PHACTR1: variants seen among roughly 807,000 people sequenced by gnomAD.
PHACTR1 encodes phosphatase and actin regulator 1.
In PHACTR1, 16 loss-of-function variants were observed where a neutral mutation model predicts 69.2. The ratio of observed to expected loss-of-function variants is 0.23; its 90% CI spans 0.16 to 0.35. The LOEUF (loss-of-function observed/expected upper bound fraction) is 0.35. Ranked by LOEUF, PHACTR1 falls within the 10% of genes least tolerant of loss-of-function variation. PHACTR1 has a pLI of 1.00. For missense variants in PHACTR1, 510 were observed against 734.7 expected, an observed-to-expected ratio of 0.69 and a Z score of 3.54; for synonymous variants, 312 against 284.5, an observed-to-expected ratio of 1.10 and a Z score of -0.97.
chr6:12,765,206 G>A (rs546546239), intron 4 of PHACTR1, among the ~76,000 whole-genome samples: 1 of 152,260 alleles, frequency 6.6e-6, no homozygotes, highest in East Asian at 1.9e-4. Context: ...AAGATGACTT[G>A]CTATCTTTTA....
chr6:12,921,824 AG>A (rs1250252097), intron 4 of PHACTR1, among the ~76,000 whole-genome samples: 2 of 66,194 alleles, frequency 3.0e-5, no homozygotes, highest in African/African-American at 1.1e-4. Context: ...GCAAGGGGGA[AG>A]GAAGGAAGGG....
In PHACTR1 at chr6:12,901,876, C is replaced by T. The variant is rs548310165; in HGVS notation, c.251-151489C>T. 5.9e-5 allele frequency among the ~76,000 whole-genome samples: 9 copies of T among 152,226 alleles called. No individual in the cohort carries two copies. The South Asian group carries it at 1.9e-3, about 32-fold the overall frequency. ...AACCACCTTAGACAGCCTGGAATCCCTGAAAAATAAACTCCAGTGTCTATG... is the reference window on the plus strand; with the variant it reads ...AACCACCTTAGACAGCCTGGAATCCTTGAAAAATAAACTCCAGTGTCTATG... On this transcript the variant is annotated intron_variant, in intron 4 of 14. Coordinates refer to ENST00000332995, the MANE Select transcript of PHACTR1 (RefSeq NM_030948.6).
chr6:13,173,875 T>C (rs1760959200), intron 6 of PHACTR1, among the ~76,000 whole-genome samples: 1 of 152,130 alleles, frequency 6.6e-6, no homozygotes, highest in Admixed American at 6.5e-5. Flanking sequence ...GCCCGGCTAA[T>C]TTTTTGTATT....
chr6:13,205,078 A>G (rs1331513085), intron 7 of PHACTR1, among the ~76,000 whole-genome samples: 1 of 152,214 alleles, frequency 6.6e-6, no homozygotes, highest in Non-Finnish European at 1.5e-5. Flanking sequence ...AGTTCTGCAG[A>G]CTGGGAAGTA....
At chr6:12,944,599 A>C (rs551181129) in intron 4 of PHACTR1, among the ~76,000 whole-genome samples, 5 of 152,286 alleles carry the variant, frequency 3.3e-5, no homozygotes, top group African/African-American at 1.2e-4. Context: ...TCAAAAGAAC[A>C]TATCTGTCCC....
At chr6:12,870,570 T>A (rs888450448) in intron 4 of PHACTR1, among the ~76,000 whole-genome samples, 2 of 152,234 alleles carry the variant, frequency 1.3e-5, no homozygotes, top group South Asian at 4.1e-4. Flanking sequence ...TGTCTCTACA[T>A]CAGGCACATC....
At chr6:12,837,315 T>C (rs1172389006) in intron 4 of PHACTR1, among the ~76,000 whole-genome samples, 1 of 152,214 alleles carries the variant, frequency 6.6e-6, no homozygotes, top group Non-Finnish European at 1.5e-5. Context: ...ATAAATTATA[T>C]ACTTTTAAAA....
intron 5 of PHACTR1, among the ~76,000 whole-genome samples, chr6:13,159,794 G>T (rs760919007): frequency 1.3e-5 from 2 of 152,156 alleles, no homozygotes; most frequent in Non-Finnish European, 2.9e-5. Flanking sequence ...ACAAAAATTA[G>T]CTGTGTGTGG....
chr6:13,011,548 A>G (rs564833750), intron 4 of PHACTR1, among the ~76,000 whole-genome samples: 46 of 152,324 alleles, frequency 3.0e-4, no homozygotes, highest in Non-Finnish European at 3.4e-4. Flanking sequence ...GTATGATACA[A>G]TCACAATGCC....
intron 3 of PHACTR1, among the ~76,000 whole-genome samples, chr6:12,739,198 A>G (rs1199900079): frequency 6.6e-6 from 1 of 152,168 alleles, no homozygotes. Flanking sequence ...TTATGCCTTC[A>G]TATACTTCCA....
intron 4 of PHACTR1, among the ~76,000 whole-genome samples, chr6:12,848,362 C>G (rs1227641947): frequency 6.6e-6 from 1 of 152,168 alleles, no homozygotes; most frequent in Non-Finnish European, 1.5e-5. Context: ...TCTATAAACA[C>G]AAACACACAT....
At chr6:12,816,822 A>C (rs1040480154) in intron 4 of PHACTR1, among the ~76,000 whole-genome samples, 1 of 152,214 alleles carries the variant, frequency 6.6e-6, no homozygotes, top group Admixed American at 6.5e-5. Flanking sequence ...CCAAATTATC[A>C]GGACAATATT....
At chr6:12,853,918 G>C (rs926938349) in intron 4 of PHACTR1, among the ~76,000 whole-genome samples, 1 of 152,136 alleles carries the variant, frequency 6.6e-6, no homozygotes, top group African/African-American at 2.4e-5. Context: ...ACTTACAAAA[G>C]ACTTTACAAA....
At chr6:13,272,792 C>T in intron 10 of PHACTR1, 68 bp from the exon 11 acceptor site, 1 of 1,613,948 alleles carries the variant, frequency 6.2e-7, no homozygotes, top group Non-Finnish European at 8.5e-7. Context: ...TCTGCAAGGG[C>T]CGAGGAAATT....
intron 4 of PHACTR1, among the ~76,000 whole-genome samples, chr6:12,889,711 C>T (rs1330904419): frequency 1.3e-5 from 2 of 151,520 alleles, no homozygotes; most frequent in Non-Finnish European, 2.9e-5. Flanking sequence ...AGCAAAAATC[C>T]TCCAAGGTTC....
rs115901953 is a variant in PHACTR1 at position 12,851,595 on chromosome 6, C to T, written c.250+101805C>T. Among the ~76,000 whole-genome samples, 1,075 of 152,194 alleles carry T rather than the reference C, an allele frequency of 7.1e-3. 19 individuals are homozygous for T. The highest frequency in any genetic ancestry group is 0.025 in the African/African-American group (1,025 of 41,528). The stretch of plus-strand genomic sequence containing the variant: ...AGGAAAGCTGGGTTGGAATAGAGTC[C>T]GGCATATATGTAATTACACAGACGT... On this transcript the variant is annotated intron_variant, in intron 4 of 14. Transcript: ENST00000332995.
intron 4 of PHACTR1, among the ~76,000 whole-genome samples, chr6:12,872,007 T>A (rs1782081886): frequency 6.6e-6 from 1 of 152,154 alleles, no homozygotes; most frequent in Admixed American, 6.6e-5. Context: ...ACCAATGAGT[T>A]TTTTTACCAT....
At chr6:13,092,825 C>G (rs1561819502) in intron 5 of PHACTR1, among the ~76,000 whole-genome samples, 3 of 152,234 alleles carry the variant, frequency 2.0e-5, no homozygotes, top group Non-Finnish European at 4.4e-5. Context: ...ACATGCTTTG[C>G]TATAGAACAT....
intron 4 of PHACTR1, among the ~76,000 whole-genome samples, chr6:12,986,355 A>G (rs1796188887): frequency 6.6e-6 from 1 of 152,190 alleles, no homozygotes; most frequent in Non-Finnish European, 1.5e-5. Context: ...TATTGCCTAA[A>G]GTCTTTTCAG....
Sources: gnomAD v4.1 joint callset for allele counts (sites outside exome capture counted in the v4.1 genomes callset) on GRCh38, gnomAD v4.1.1 for gene constraint, MANE v1.5 for transcripts, NCBI Gene and HGNC (gene_info 2026-07-23, HGNC 2026-07-21) for gene names.